GPR155: variants seen among roughly 807,000 people sequenced by gnomAD.
GPR155 encodes the protein G protein-coupled receptor 155.
In GPR155, 65 loss-of-function variants were observed where a neutral mutation model predicts 93.1. The ratio of observed to expected loss-of-function variants is 0.70; its 90% CI spans 0.57 to 0.86. GPR155 has a LOEUF of 0.86. Ranked by LOEUF, GPR155 falls within the 40% of genes least tolerant of loss-of-function variation. GPR155 has a pLI of 0.00. For synonymous variants in GPR155, 319 were observed against 360.1 expected (o/e 0.89, Z 1.29); for missense variants, 838 against 1,034.8 (o/e 0.81, Z 2.61).
intron 1 of GPR155, among the ~76,000 whole-genome samples, chr2:174,484,457 C>T (rs1445737464): frequency 1.3e-5 from 2 of 152,202 alleles, no homozygotes; most frequent in African/African-American, 4.8e-5. Flanking sequence ...TGCTTATAAG[C>T]CCTTACTTGT....
chr2:174,478,557 G>A (rs1688232324), intron 2 of GPR155, among the ~76,000 whole-genome samples: 1 of 152,078 alleles, frequency 6.6e-6, no homozygotes, highest in Non-Finnish European at 1.5e-5. Flanking sequence ...TCTGTTACTG[G>A]AGTAATAATA....
At chr2:174,462,751 C>A (rs1024730170) in intron 7 of GPR155, among the ~76,000 whole-genome samples, 14 of 152,232 alleles carry the variant, frequency 9.2e-5, no homozygotes, top group African/African-American at 3.4e-4. Flanking sequence ...TTAATACAAA[C>A]ACACTCTGAA....
intron 12 of GPR155, 22 bp from the exon 13 acceptor site, chr2:174,445,198 G>A: frequency 8.0e-7 from 1 of 1,255,608 alleles, no homozygotes; most frequent in Non-Finnish European, 1.2e-6. Flanking sequence ...GGAGAAAAGA[G>A]TATTTTAAAA....
intron 9 of GPR155, 45 bp from the exon 10 acceptor site, chr2:174,460,133 A>G (rs751632714): frequency 1.7e-6 from 2 of 1,209,628 alleles, no homozygotes; most frequent in African/African-American, 1.7e-5. Flanking sequence ...TCACAACTTC[A>G]TCTTGATAAT....
chr2:174,431,925 T>C lies in GPR155; in HGVS notation c.*4191A>G, dbSNP rs1333462902. The C allele has an allele frequency of 6.6e-6, 1 of 152,234 alleles. No individual in the cohort carries two copies. The highest frequency in any genetic ancestry group is 2.4e-5 in the African/African-American group (1 of 41,466). 9.4% of individuals were successfully genotyped at this position (152,234 alleles called of 1,614,324 possible). On this transcript the variant is annotated 3_prime_UTR_variant, in exon 16 of 16. Transcript: ENST00000392552. ...AAGCACAAGCTAGGCATGGAGTTAC[T>C]CATTGAGAGTTAAGAAAACAATTGA... is the stretch of plus-strand genomic sequence containing the variant.
At chr2:174,446,324 A>G (rs1279725979) in intron 12 of GPR155, among the ~76,000 whole-genome samples, 12 of 71,850 alleles carry the variant, frequency 1.7e-4, no homozygotes, top group South Asian at 6.4e-4. Context: ...AAAAAAATAA[A>G]AAATAAAAAG....
intron 11 of GPR155, among the ~76,000 whole-genome samples, chr2:174,452,654 T>C (rs1687355300): frequency 6.6e-6 from 1 of 152,002 alleles, no homozygotes; most frequent in Admixed American, 6.6e-5. Context: ...TATTACTTTT[T>C]TTTTCCCCCT....
intron 2 of GPR155, among the ~76,000 whole-genome samples, chr2:174,475,764 A>G (rs1302161520): frequency 6.6e-6 from 1 of 152,160 alleles, no homozygotes. Flanking sequence ...GAGATATTTT[A>G]TCTCAAGAGA....
At chr2:174,482,077 T>C in intron 1 of GPR155, 90 bp from the exon 2 acceptor site, 1 of 664,458 alleles carries the variant, frequency 1.5e-6, no homozygotes, top group Non-Finnish European at 2.6e-6. Flanking sequence ...TGTTTACTTA[T>C]TAAATGGCCA....
chr2:174,450,244 T>G (rs759689094), intron 11 of GPR155, among the ~76,000 whole-genome samples: 13 of 152,036 alleles, frequency 8.6e-5, no homozygotes, highest in Non-Finnish European at 1.5e-5. Flanking sequence ...GTGCTGCATG[T>G]GCTCACTTAT....
chr2:174,465,672 C>A (rs1687818142), intron 7 of GPR155, 113 bp downstream of exon 7: 2 of 600,934 alleles, frequency 3.3e-6, no homozygotes, highest in Non-Finnish European at 6.1e-6. Context: ...TGCCTCAGTG[C>A]ATGCCTTGAT....
intron 3 of GPR155, 48 bp downstream of exon 3, chr2:174,472,917 T>TA (rs1301322172): frequency 1.3e-6 from 2 of 1,496,898 alleles, no homozygotes; most frequent in East Asian, 4.5e-5. Flanking sequence ...ATTGGCTAAA[T>TA]ACGGCTTTCA....
intron 11 of GPR155, among the ~76,000 whole-genome samples, chr2:174,452,158 TAAAAC>T (rs773202564): frequency 6.6e-6 from 1 of 151,912 alleles, no homozygotes; most frequent in Non-Finnish European, 1.5e-5. Context: ...AGCAGACAGA[TAAAAC>T]AAAGACAGTG....
chr2:174,436,337 C>G lies in GPR155; in HGVS notation c.2392G>C (p.Asp798His). The change falls in exon 16 of 16, where the codon GAC (aspartate) becomes CAC (histidine). Residue 798 changes from aspartate to histidine, a missense_variant. This residue lies in a region of GPR155 where 146 missense variants were observed against 177.5 expected (regional missense o/e 0.82). Coordinates refer to ENST00000392552, the MANE Select transcript of GPR155 (RefSeq NM_152529.7). ...CCGTATATCACAGCTTCACCACGGTCGGAGGCAAGGCCGACTTCAATTAGC... is the reference window on the plus strand; with the variant it reads ...CCGTATATCACAGCTTCACCACGGTGGGAGGCAAGGCCGACTTCAATTAGC... ...SWLIEVGLAS[D>H]RGEAVIYGDR... 1.9e-6 allele frequency: 3 copies of G among 1,614,152 alleles called. 1 individual carries two copies. Among genetic ancestry groups the G allele is most frequent in the Middle Eastern group, 3.3e-4 (2 of 6,062 alleles).
intron 13 of GPR155, among the ~76,000 whole-genome samples, chr2:174,444,486 CTTT>C (rs71024807): frequency 8.9e-5 from 8 of 89,596 alleles, no homozygotes; most frequent in Admixed American, 2.9e-4. Context: ...CCAAAGTGAC[CTTT>C]TTTTTTTTTT....
intron 5 of GPR155, 92 bp downstream of exon 5, chr2:174,468,820 A>G: frequency 9.3e-7 from 1 of 1,074,142 alleles, no homozygotes; most frequent in Non-Finnish European, 1.4e-6. Context: ...TTTATTTCAT[A>G]AGAAACTAGA....
chr2:174,439,343 A>G (rs1185446994), intron 15 of GPR155, among the ~76,000 whole-genome samples: 2 of 152,132 alleles, frequency 1.3e-5, no homozygotes, highest in Non-Finnish European at 2.9e-5. Flanking sequence ...TTTATAAAAA[A>G]ATTTTTTTCC....
intron 1 of GPR155, 86 bp downstream of exon 1, chr2:174,486,787 G>A (rs1688496847): frequency 6.5e-6 from 1 of 153,094 alleles, no homozygotes; most frequent in Non-Finnish European, 1.5e-5. Flanking sequence ...CACGTGCCCA[G>A]GCCTGAGGGG....
rs1419088250 is a variant in GPR155 at position 174,469,036 on chromosome 2, A to G, written c.1058T>C (p.Val353Ala). 1 of 1,614,096 alleles carries G rather than the reference A, an allele frequency of 6.2e-7. No individual in the cohort carries two copies. The highest frequency in any genetic ancestry group is 1.7e-5 in the Admixed American group (1 of 60,012). The stretch of plus-strand genomic sequence containing the variant: ...AGAAACGTACATGATGGGAGCAGAC[A>G]CAAATGTGCTTATCACCATCCCTGA... ...ITSGMVISTF[V>A]SAPIMYVSAW... The change falls in exon 5 of 16, where the codon GTG becomes GCG. Residue 353 changes from valine (V) to alanine (A), a missense_variant. Around this residue, in one of 3 missense-constraint regions of GPR155, gnomAD observed 663 missense variants for 790.1 expected, o/e 0.84. Transcript: ENST00000392552.
Sources: gnomAD v4.1 joint callset for allele counts (sites outside exome capture counted in the v4.1 genomes callset) on GRCh38, gnomAD v4.1.1 for gene constraint, gnomAD v4.1.1 regional missense constraint, MANE v1.5 for transcripts, NCBI Gene and HGNC (gene_info 2026-07-23, HGNC 2026-07-21) for gene names.